The following ADARB1 variants were observed in gnomAD, a reference collection of about 807,000 sequenced individuals.
ADARB1 encodes adenosine deaminase RNA specific B1.
ADARB1 carries 10 observed loss-of-function variants against 52.4 expected under a neutral mutation model. The ratio of observed to expected loss-of-function variants is 0.19; its 90% CI spans 0.12 to 0.32. ADARB1 has a LOEUF of 0.32. Among genes scored for constraint, ADARB1 ranks in the 10% least tolerant of loss-of-function variants. ADARB1 has a pLI of 1.00. For synonymous variants in ADARB1, 349 were observed against 371.1 expected (o/e 0.94, Z 0.68); for missense variants, 643 against 922.3 (o/e 0.70, Z 3.92).
chr21:45,088,051 G>A (rs1306773905), intron 1 of ADARB1, among the ~76,000 whole-genome samples: 3 of 152,204 alleles, frequency 2.0e-5, no homozygotes, highest in Non-Finnish European at 4.4e-5. Context: ...GATGGCAGAG[G>A]GAGGCCGTGC....
At chr21:45,133,723 C>T (rs915230124) in intron 2 of ADARB1, 9 of 285,534 alleles carry the variant, frequency 3.2e-5, no homozygotes, top group South Asian at 1.7e-4. Flanking sequence ...GGTGTATGCT[C>T]GACAGTGGTG....
In ADARB1 at chr21:45,172,674, T is replaced by G. The variant is rs2091534021; in HGVS notation, c.28+990T>G. On this transcript the variant is annotated intron_variant, in intron 3 of 10. Transcript: ENST00000348831. The surrounding 1 kb of genome is among the most constrained non-coding windows in gnomAD (Gnocchi z 4.4). Reference sequence around the variant, plus strand: ...TGTGGAGGCGGCTGGGCCTCTGCTCTATGGACTGTGTGCTAAGTGTTGGCT... The same window carrying G: ...TGTGGAGGCGGCTGGGCCTCTGCTCGATGGACTGTGTGCTAAGTGTTGGCT... Among the ~76,000 whole-genome samples the G allele has an allele frequency of 6.6e-6, 1 of 152,188 alleles. No homozygotes were observed. The highest frequency in any genetic ancestry group is 1.5e-5 in the Non-Finnish European group (1 of 68,028).
intron 1 of ADARB1, among the ~76,000 whole-genome samples, chr21:45,083,738 A>G (rs2086236040): frequency 6.6e-6 from 1 of 152,208 alleles, no homozygotes; most frequent in African/African-American, 2.4e-5. Flanking sequence ...TTTGTTGCTC[A>G]GGCTAGAGTA....
intron 2 of ADARB1, among the ~76,000 whole-genome samples, chr21:45,147,393 G>A (rs532607010): frequency 1.3e-5 from 2 of 152,178 alleles, no homozygotes; most frequent in African/African-American, 4.8e-5. Flanking sequence ...GACGTCCTCT[G>A]TTGGGGATAC....
intron 1 of ADARB1, among the ~76,000 whole-genome samples, chr21:45,113,685 A>G (rs1338946175): frequency 1.3e-5 from 2 of 152,002 alleles, no homozygotes; most frequent in African/African-American, 2.4e-5. Flanking sequence ...GCTCTCTGAT[A>G]CTTGAGCAGC....
chr21:45,191,762 A>C (rs1416944473), intron 8 of ADARB1, among the ~76,000 whole-genome samples: 2 of 150,370 alleles, frequency 1.3e-5, no homozygotes, highest in East Asian at 3.9e-4. Context: ...ATAGCCTCAT[A>C]AAGTGTGTTT....
chr21:45,078,380 TGAG>T (rs1444152316), intron 1 of ADARB1, among the ~76,000 whole-genome samples: 1 of 152,218 alleles, frequency 6.6e-6, no homozygotes, highest in Non-Finnish European at 1.5e-5. Context: ...ATGAGCCTGA[TGAG>T]GAGAGTTCCT....
intron 1 of ADARB1, among the ~76,000 whole-genome samples, chr21:45,113,320 G>A (rs2087635193): frequency 6.6e-6 from 1 of 152,144 alleles, no homozygotes; most frequent in Admixed American, 6.5e-5. Flanking sequence ...CTACTCGGGA[G>A]GCTGAGGCAG....
Position 45,220,709 on chromosome 21 carries a change from C to A in ADARB1, c.1748-127C>A. On this transcript the variant is annotated intron_variant, in intron 9 of 10. Coordinates refer to ENST00000348831, the MANE Select transcript of ADARB1 (RefSeq NM_001112.4). The surrounding 1 kb of genome is among the most constrained non-coding windows in gnomAD (Gnocchi z 6.3). ...CACGCTCAAGTCTGCGTATATTCCT[C>A]GGCAGGCAGAATTCCCCCACCACGC... 1 of 995,496 alleles carries A rather than the reference C, an allele frequency of 1.0e-6. No homozygotes were observed. The highest frequency in any genetic ancestry group is 1.5e-6 in the Non-Finnish European group (1 of 666,572). 61.7% of individuals were successfully genotyped at this position (995,496 alleles called of 1,614,324 possible). A position where few individuals can be genotyped will look rare whatever the true frequency, so the allele number is the denominator to read the frequency against.
In ADARB1 at chr21:45,172,346, G is replaced by A. The variant is rs933138287; in HGVS notation, c.28+662G>A. Among the ~76,000 whole-genome samples, 1 of 152,140 alleles carries A rather than the reference G, an allele frequency of 6.6e-6. No individual in the cohort carries two copies. The highest frequency in any genetic ancestry group is 6.5e-5 in the Admixed American group (1 of 15,276). On this transcript the variant is annotated intron_variant, in intron 3 of 10. Transcript: ENST00000348831. The surrounding 1 kb of genome is among the most constrained non-coding windows in gnomAD (Gnocchi z 4.4). Reference sequence around the variant, plus strand: ...CCACGGAAGTTGGGAGAGTTTAGTAGAGAAATTACAACAAAGGCATCATTG... The same window carrying A: ...CCACGGAAGTTGGGAGAGTTTAGTAAAGAAATTACAACAAAGGCATCATTG...
intron 8 of ADARB1, among the ~76,000 whole-genome samples, chr21:45,190,340 GT>G (rs2092247424): frequency 6.6e-6 from 1 of 152,062 alleles, no homozygotes; most frequent in African/African-American, 2.4e-5. Context: ...TTCTTGCTAA[GT>G]TTTTCTTATT....
intron 1 of ADARB1, among the ~76,000 whole-genome samples, chr21:45,108,439 G>T (rs936986619): frequency 3.3e-5 from 5 of 152,206 alleles, no homozygotes; most frequent in African/African-American, 1.2e-4. Context: ...TAAAGTTTAT[G>T]ATTGTTAACT....
At chr21:45,213,311 G>A (rs1259354033) in intron 9 of ADARB1, among the ~76,000 whole-genome samples, 1 of 152,082 alleles carries the variant, frequency 6.6e-6, no homozygotes, top group African/African-American at 2.4e-5. Context: ...TTTTGGAATT[G>A]TCCATAGTGA....
chr21:45,147,021 G>T (rs1415527356), intron 2 of ADARB1, among the ~76,000 whole-genome samples: 6 of 152,162 alleles, frequency 3.9e-5, no homozygotes, highest in South Asian at 2.1e-4. Flanking sequence ...GCTTGGGCCT[G>T]GCCAGCCCCT....
At chr21:45,134,078 G>A (rs1555894032) in intron 2 of ADARB1, among the ~76,000 whole-genome samples, 1 of 103,332 alleles carries the variant, frequency 9.7e-6, no homozygotes, top group Non-Finnish European at 2.0e-5. Context: ...TGCGCCCGCC[G>A]GGTGTGTGCC....
At chr21:45,177,395 A>T (rs2091745177) in intron 4 of ADARB1, 1 of 151,760 alleles carries the variant, frequency 6.6e-6, no homozygotes, top group Admixed American at 6.6e-5. Context: ...CTTCCATTTG[A>T]CCTCCCCAGC....
At chr21:45,129,746 G>A (rs1482901497) in intron 2 of ADARB1, among the ~76,000 whole-genome samples, 21 of 152,208 alleles carry the variant, frequency 1.4e-4, no homozygotes, top group Admixed American at 1.2e-3. Flanking sequence ...TCACCAGGGC[G>A]TGAGCGTGGA....
intron 2 of ADARB1, chr21:45,134,592 C>T (rs1276876955): frequency 2.2e-5 from 8 of 371,104 alleles, no homozygotes; most frequent in South Asian, 1.0e-4. Flanking sequence ...CTGACAGAGG[C>T]GTGGCTTAGT....
chr21:45,164,833 A>G (rs897827274), intron 2 of ADARB1, among the ~76,000 whole-genome samples: 1 of 152,174 alleles, frequency 6.6e-6, no homozygotes, highest in Non-Finnish European at 1.5e-5. Context: ...GCAGAAGCAG[A>G]CAGGCTGATG....
Sources: allele counts gnomAD v4.1 joint callset (sites outside exome capture counted in the v4.1 genomes callset), GRCh38; gene constraint gnomAD v4.1.1; non-coding constraint Gnocchi (gnomAD v3.1); transcripts MANE v1.5; gene names NCBI Gene and HGNC (gene_info 2026-07-23, HGNC 2026-07-21).